The following MYO1B variants were observed in gnomAD, a reference collection of about 807,000 sequenced individuals.
The protein encoded by MYO1B is unconventional myosin-Ib.
A neutral mutation model predicts 159.7 loss-of-function variants in MYO1B; 72 were observed. That is an observed-to-expected ratio of 0.45 (90% CI 0.37 to 0.55). MYO1B has a LOEUF of 0.55. Ranked by LOEUF, MYO1B falls within the 20% of genes least tolerant of loss-of-function variation. The pLI is 0.00. For missense variants in MYO1B, 1,062 were observed against 1,364.8 expected, an observed-to-expected ratio of 0.78 and a Z score of 3.50; for synonymous variants, 468 against 473.8, an observed-to-expected ratio of 0.99 and a Z score of 0.16.
intron 30 of MYO1B, 165 bp downstream of exon 30, chr2:191,416,407 C>A: frequency 2.8e-6 from 2 of 719,868 alleles, no homozygotes; most frequent in African/African-American, 1.8e-5. Context: ...ACCAAGTCTC[C>A]AACCTCATGT....
chr2:191,366,213 A>T (rs980522773), intron 11 of MYO1B, among the ~76,000 whole-genome samples: 23 of 151,910 alleles, frequency 1.5e-4, no homozygotes, highest in Admixed American at 9.2e-4. Context: ...TGTGTGTTTT[A>T]CTCTTGCTTT....
intron 26 of MYO1B, among the ~76,000 whole-genome samples, chr2:191,410,309 A>G (rs1267169685): frequency 6.6e-6 from 1 of 152,194 alleles, no homozygotes; most frequent in Non-Finnish European, 1.5e-5. Flanking sequence ...GGAAAGGGTC[A>G]GCAGCAATGC....
At chr2:191,317,898 G>C (rs1690455671) in intron 3 of MYO1B, among the ~76,000 whole-genome samples, 2 of 151,994 alleles carry the variant, frequency 1.3e-5, no homozygotes, top group African/African-American at 4.8e-5. Context: ...TTTCCTCTTT[G>C]TTATTTGTAA....
At chr2:191,330,835 A>T (rs1691423039) in intron 4 of MYO1B, among the ~76,000 whole-genome samples, 1 of 152,178 alleles carries the variant, frequency 6.6e-6, no homozygotes, top group South Asian at 2.1e-4. Context: ...ATAATTGGTC[A>T]ATTATTTTAG....
At chr2:191,404,665 C>T (rs959508975) in intron 24 of MYO1B, among the ~76,000 whole-genome samples, 3 of 152,190 alleles carry the variant, frequency 2.0e-5, no homozygotes, top group Non-Finnish European at 4.4e-5. Flanking sequence ...AAGTGAATCA[C>T]ACAAATGTTT....
At chr2:191,268,934 G>T (rs17511333) in intron 1 of MYO1B, among the ~76,000 whole-genome samples, 11,985 of 152,290 alleles carry the variant, frequency 0.079, 745 homozygotes, top group Admixed American at 0.19. Flanking sequence ...GCAGGGGAGA[G>T]ATTGGACTAA....
At chr2:191,373,963 T>C (rs1001968019) in intron 13 of MYO1B, among the ~76,000 whole-genome samples, 9 of 152,242 alleles carry the variant, frequency 5.9e-5, no homozygotes, top group Non-Finnish European at 8.8e-5. Flanking sequence ...TAATAACTTT[T>C]TTAAATAAAT....
intron 4 of MYO1B, among the ~76,000 whole-genome samples, chr2:191,338,603 A>G (rs1197965581): frequency 6.6e-6 from 1 of 152,178 alleles, no homozygotes; most frequent in Non-Finnish European, 1.5e-5. Context: ...AATCAATTCT[A>G]GTAGCCACCA....
At position 191,387,415 on chromosome 2, in the gene MYO1B, GA is replaced by G; in HGVS notation, c.1751del (p.Asn584ThrfsTer28). ...QFKASVATLM[K>X]NLQTKNPNYI... ...TCAAGGCATCCGTGGCCACTCTGATGAAAAACCTACAGACCAAGAACCCAAA... is the reference window on the plus strand; with the variant it reads ...TCAAGGCATCCGTGGCCACTCTGATGAAAACCTACAGACCAAGAACCCAAA... On this transcript the variant is annotated frameshift_variant, in exon 17 of 31. Transcript: ENST00000392318. LOFTEE classifies it high-confidence loss of function. 2 of 1,614,182 alleles carry G rather than the reference GA, an allele frequency of 1.2e-6. No individual in the cohort carries two copies. Among genetic ancestry groups the G allele is most frequent in the Non-Finnish European group, 1.7e-6 (2 of 1,180,028 alleles).
chr2:191,368,641 TAAAAG>T (rs1023915851), intron 11 of MYO1B, among the ~76,000 whole-genome samples: 1 of 152,172 alleles, frequency 6.6e-6, no homozygotes, highest in Non-Finnish European at 1.5e-5. Flanking sequence ...TTCTATAACT[TAAAAG>T]AACTCATTGT....
chr2:191,318,683 A>G (rs1371080490), intron 3 of MYO1B, among the ~76,000 whole-genome samples: 1 of 152,150 alleles, frequency 6.6e-6, no homozygotes, highest in South Asian at 2.1e-4. Flanking sequence ...AAAAATATAT[A>G]TGTAATCTGT....
chr2:191,256,186 T>C (rs1450585808), intron 1 of MYO1B, among the ~76,000 whole-genome samples: 1 of 152,194 alleles, frequency 6.6e-6, no homozygotes. Context: ...AAAAGCTATG[T>C]GGTGCAGTGG....
intron 13 of MYO1B, among the ~76,000 whole-genome samples, chr2:191,375,897 T>A (rs1559213523): frequency 1.3e-5 from 2 of 150,954 alleles, no homozygotes; most frequent in South Asian, 4.2e-4. Flanking sequence ...AGACGGAGGT[T>A]GCAGTGAGCC....
chr2:191,306,679 G>GAGAGGGAGAAAGGGGGATC (rs1276199851), intron 3 of MYO1B, among the ~76,000 whole-genome samples: 4 of 151,986 alleles, frequency 2.6e-5, no homozygotes, highest in Admixed American at 6.6e-5. Context: ...AAGGTGAAGA[G>GAGAGGGAGAAAGGGGGATC]AGAGGGAGAA....
Position 191,280,581 on chromosome 2 carries a change from C to T in MYO1B, c.135+3551C>T, listed in dbSNP as rs149759214. ...CTGAGATTTACCTTGGTTAGGCTGC[C>T]GGAGTCACACTCCCTTCTCAAACCA... On this transcript the variant is annotated intron_variant, in intron 2 of 30. Transcript: ENST00000392318. 7.1e-4 allele frequency among the ~76,000 whole-genome samples: 108 copies of T among 152,212 alleles called. 1 individual carries two copies. In the East Asian group the frequency reaches 0.013, roughly 19 times the overall value.
intron 3 of MYO1B, among the ~76,000 whole-genome samples, chr2:191,311,244 T>A (rs1689985275): frequency 6.6e-6 from 1 of 152,178 alleles, no homozygotes; most frequent in Non-Finnish European, 1.5e-5. Flanking sequence ...CTACTAATCT[T>A]TTTCCATCAG....
rs550871591 is a variant in MYO1B at position 191,262,288 on chromosome 2, C to T, written c.-9-14599C>T. ...CTTTATTTTAGTCACCTTATTCTGC[C>T]GCCCCCCCTCCTCCCCAGCTGGCCC... On this transcript the variant is annotated intron_variant, in intron 1 of 30. Transcript: ENST00000392318. Among the ~76,000 whole-genome samples the T allele has an allele frequency of 1.1e-4, 17 of 152,180 alleles. No homozygotes were observed. The South Asian group carries it at 3.1e-3, about 28-fold the overall frequency.
At chr2:191,361,762 CTT>C (rs1278803239) in intron 8 of MYO1B, among the ~76,000 whole-genome samples, 1 of 151,966 alleles carries the variant, frequency 6.6e-6, no homozygotes, top group East Asian at 1.9e-4. Context: ...GCGAGGACCT[CTT>C]ATAATCAGAG....
At chr2:191,343,229 G>T (rs1021963446) in intron 5 of MYO1B, among the ~76,000 whole-genome samples, 5 of 152,326 alleles carry the variant, frequency 3.3e-5, no homozygotes, top group African/African-American at 1.2e-4. Context: ...AGTCATAGAA[G>T]TAAAGTCATG....
Sources: allele counts gnomAD v4.1 joint callset (sites outside exome capture counted in the v4.1 genomes callset), GRCh38; gene constraint gnomAD v4.1.1; transcripts MANE v1.5; gene names NCBI Gene and HGNC (gene_info 2026-07-23, HGNC 2026-07-21).